Variants in KIF1B observed in about 807,000 individuals in gnomAD.
KIF1B encodes kinesin-like protein KIF1B.
Under a neutral mutation model 241.9 loss-of-function variants are expected in KIF1B, and 76 were observed. That is an observed-to-expected ratio of 0.31 (90% confidence interval 0.26 to 0.38). KIF1B has a LOEUF of 0.38. Among genes scored for constraint, KIF1B ranks in the 10% least tolerant of loss-of-function variants. The pLI is 1.00. For synonymous variants in KIF1B, 750 were observed against 796.7 expected (o/e 0.94, Z 0.99); for missense variants, 1,622 against 2,271.4 (o/e 0.71, Z 5.81).
chr1:10,329,259 T>G (rs1651831732), intron 27 of KIF1B, among the ~76,000 whole-genome samples: 2 of 152,112 alleles, frequency 1.3e-5, no homozygotes. Context: ...AAGGATAGCT[T>G]TCCATTTTTG....
At position 10,303,324 on chromosome 1, in the gene KIF1B, A is replaced by C; in HGVS notation, c.2115+6078A>C. 1 of 1,614,204 alleles carries C rather than the reference A, an allele frequency of 6.2e-7. No individual in the cohort carries two copies. Among genetic ancestry groups the C allele is most frequent in the Non-Finnish European group, 8.5e-7 (1 of 1,180,038 alleles). On this transcript the variant is annotated intron_variant, in intron 22 of 48. Transcript: ENST00000676179. The surrounding 1 kb of genome is among the most constrained non-coding windows in gnomAD (Gnocchi z 5.2). ...GTGGGAAGAAACGTGAACCAATTAA[A>C]ATGTATCAGATACCCCAAAGAAGGC...
chr1:10,226,329 T>C lies in KIF1B; in HGVS notation c.-79-5921T>C, dbSNP rs539817035. 1.1e-4 allele frequency among the ~76,000 whole-genome samples: 17 copies of C among 152,296 alleles called. No individual in the cohort carries two copies. In the South Asian group the frequency reaches 3.5e-3, roughly 32 times the overall value. The stretch of plus-strand genomic sequence containing the variant: ...ATGAAATGCTGGAAGGATAGCTAGG[T>C]AGAGGAGTCGAGTAGTCTATAGAAA... On this transcript the variant is annotated intron_variant, in intron 1 of 48. Coordinates refer to ENST00000676179, the MANE Select transcript of KIF1B (RefSeq NM_001365951.3).
intron 22 of KIF1B, chr1:10,307,671 G>T: frequency 9.8e-7 from 1 of 1,019,542 alleles, no homozygotes; most frequent in Non-Finnish European, 1.2e-6. Flanking sequence ...AAGAGAAATG[G>T]TCATAATTTA....
intron 7 of KIF1B, 58 bp downstream of exon 7, chr1:10,268,321 C>A: frequency 8.8e-7 from 1 of 1,132,722 alleles, no homozygotes; most frequent in Non-Finnish European, 1.3e-6. Flanking sequence ...TTGAGAAGTC[C>A]CTTTTGTTGC....
chr1:10,350,635 G>A (rs1161867682), intron 37 of KIF1B, among the ~76,000 whole-genome samples: 3 of 152,188 alleles, frequency 2.0e-5, no homozygotes, highest in South Asian at 2.1e-4. Flanking sequence ...ACAGAGTCAC[G>A]GGTACTGGCC....
intron 38 of KIF1B, among the ~76,000 whole-genome samples, chr1:10,354,092 TCACG>T (rs983901956): frequency 6.6e-6 from 1 of 152,160 alleles, no homozygotes; most frequent in African/African-American, 2.4e-5. Context: ...GTCCTTTAAT[TCACG>T]CCCAACAACA....
At chr1:10,283,128 A>G (rs1649502107) in intron 15 of KIF1B, among the ~76,000 whole-genome samples, 1 of 147,946 alleles carries the variant, frequency 6.8e-6, no homozygotes, top group East Asian at 2.1e-4. Flanking sequence ...AATGGCATGA[A>G]CCCAGGAGGC....
intron 2 of KIF1B, among the ~76,000 whole-genome samples, chr1:10,247,152 A>G (rs1283929977): frequency 6.6e-6 from 1 of 151,478 alleles, no homozygotes; most frequent in Non-Finnish European, 1.5e-5. Context: ...GGTGTGAACC[A>G]CTGCGACCAG....
At chr1:10,234,122 T>A (rs1463570749) in intron 2 of KIF1B, among the ~76,000 whole-genome samples, 2 of 152,170 alleles carry the variant, frequency 1.3e-5, no homozygotes, top group African/African-American at 4.8e-5. Flanking sequence ...TGAGTATCCT[T>A]TCCATCCCTT....
At chr1:10,289,692 T>C (rs1388662906) in intron 15 of KIF1B, among the ~76,000 whole-genome samples, 10 of 152,164 alleles carry the variant, frequency 6.6e-5, no homozygotes, top group Non-Finnish European at 1.5e-5. Flanking sequence ...AAGACCAGCC[T>C]GACCAATATG....
At chr1:10,271,394 T>C in intron 7 of KIF1B, 108 bp from the exon 8 acceptor site, 1 of 824,904 alleles carries the variant, frequency 1.2e-6, no homozygotes, top group Non-Finnish European at 2.2e-6. Context: ...TCTAATACTT[T>C]TAGTTTTTTC....
At position 10,376,880 on chromosome 1, in the gene KIF1B, AAC is replaced by A. The variant is rs1638906996; in HGVS notation, c.*297_*298del. The A allele has an allele frequency of 4.6e-6, 2 of 437,016 alleles. No individual in the cohort carries two copies. The highest frequency in any genetic ancestry group is 8.6e-6 in the Non-Finnish European group (2 of 233,546). The allele number at this position is 437,016 out of a possible 1,614,324, so 27.1% of individuals were successfully genotyped here. A position where few individuals can be genotyped will look rare whatever the true frequency, so the allele number is the denominator to read the frequency against. On this transcript the variant is annotated 3_prime_UTR_variant, in exon 49 of 49. Transcript: ENST00000676179. ...ACACACACACACATACACAGACAAAAACACAAAAACTCTGAGGGGATCTGGTG... is the reference window on the plus strand; with the variant it reads ...ACACACACACACATACACAGACAAAAACAAAAACTCTGAGGGGATCTGGTG...
chr1:10,303,967 C>T lies in KIF1B; in HGVS notation c.2115+6721C>T, dbSNP rs1382537064. The T allele has an allele frequency of 3.1e-6, 5 of 1,612,610 alleles. No individual in the cohort carries two copies. The highest frequency in any genetic ancestry group is 2.2e-5 in the South Asian group (2 of 90,790). The stretch of plus-strand genomic sequence containing the variant: ...GCGCTGGATGAGGCAAGAGCAAATT[C>T]GGTTTAAGAACTTGCAACAGCAGGA... On this transcript the variant is annotated intron_variant, in intron 22 of 48. Coordinates refer to ENST00000676179, the MANE Select transcript of KIF1B (RefSeq NM_001365951.3). The surrounding 1 kb of genome is among the most constrained non-coding windows in gnomAD (Gnocchi z 5.2).
At chr1:10,228,446 CAA>C (rs751718618) in intron 1 of KIF1B, among the ~76,000 whole-genome samples, 17 of 152,042 alleles carry the variant, frequency 1.1e-4, no homozygotes, top group Non-Finnish European at 2.1e-4. Context: ...ATGTTAGGAA[CAA>C]GAGAACGTTC....
Position 10,378,998 on chromosome 1 carries a change from T to C in KIF1B, c.*2411T>C, listed in dbSNP as rs1638957858. 1 of 231,778 alleles carries C rather than the reference T, an allele frequency of 4.3e-6. No homozygotes were observed. Among genetic ancestry groups the C allele is most frequent in the Admixed American group, 5.6e-5 (1 of 17,750 alleles). The allele number at this position is 231,778 out of a possible 1,614,324, so 14.4% of individuals were successfully genotyped here. On this transcript the variant is annotated 3_prime_UTR_variant, in exon 49 of 49. Transcript: ENST00000676179. ...AAGTTTCATTGTCTGATGGACACAA[T>C]ATGCCCTTCCGGTTCTATTCAAACC...
chr1:10,255,775 TCTTAAAA>T (rs1647739015), intron 2 of KIF1B, among the ~76,000 whole-genome samples: 1 of 152,150 alleles, frequency 6.6e-6, no homozygotes. Context: ...ATAAATTACC[TCTTAAAA>T]CTATGATTGT....
intron 8 of KIF1B, among the ~76,000 whole-genome samples, chr1:10,271,999 C>T (rs758259360): frequency 1.3e-5 from 2 of 152,178 alleles, no homozygotes; most frequent in African/African-American, 2.4e-5. Context: ...AAGAAGGCTG[C>T]ACACATCTGT....
Position 10,331,344 on chromosome 1 carries a change from T to C in KIF1B, c.2925-3176T>C, listed in dbSNP as rs540379280. The stretch of plus-strand genomic sequence containing the variant: ...TGTTGCAGTAGTTGTTGTTTGAGGG[T>C]CTTGTTTAGAACTTTTTAGAACTTT... On this transcript the variant is annotated intron_variant, in intron 27 of 48. Transcript: ENST00000676179. Among the ~76,000 whole-genome samples, 4 of 152,228 alleles carry C rather than the reference T, an allele frequency of 2.6e-5. No individual in the cohort carries two copies. In the South Asian group the frequency reaches 8.3e-4, roughly 31 times the overall value.
intron 10 of KIF1B, among the ~76,000 whole-genome samples, chr1:10,274,342 AT>A (rs1209690225): frequency 6.6e-6 from 1 of 152,198 alleles, no homozygotes; most frequent in Non-Finnish European, 1.5e-5. Context: ...CTTTTAGAGA[AT>A]ATAATTTTTT....
Sources: allele counts gnomAD v4.1 joint callset (sites outside exome capture counted in the v4.1 genomes callset), GRCh38; gene constraint gnomAD v4.1.1; non-coding constraint Gnocchi (gnomAD v3.1); transcripts MANE v1.5; gene names NCBI Gene and HGNC (gene_info 2026-07-23, HGNC 2026-07-21).